SDK1: variants seen among roughly 807,000 people sequenced by gnomAD.
The protein encoded by SDK1 is protein sidekick-1.
Under a neutral mutation model 245.5 loss-of-function variants are expected in SDK1, and 157 were observed. That is an observed-to-expected ratio of 0.64 (90% confidence interval 0.56 to 0.73). The LOEUF (loss-of-function observed/expected upper bound fraction) is 0.73. Among genes scored for constraint, SDK1 ranks in the 30% least tolerant of loss-of-function variants. SDK1 has a pLI of 0.00. For synonymous variants in SDK1, 1,647 were observed against 1,278.5 expected (o/e 1.29, Z -6.15); for missense variants, 3,583 against 3,002.3 (o/e 1.19, Z -4.52).
At chr7:4,230,130 G>A (rs562271544) in intron 40 of SDK1, among the ~76,000 whole-genome samples, 7 of 136,676 alleles carry the variant, frequency 5.1e-5, no homozygotes, top group African/African-American at 1.6e-4. Flanking sequence ...GTGGCTGGTG[G>A]GTGAGTGGAT....
rs994560604 is a variant in SDK1, at chr7:3,619,220, A to G, written c.439A>G (p.Thr147Ala). 2 of 1,611,332 alleles carry G rather than the reference A, an allele frequency of 1.2e-6. No individual in the cohort carries two copies. Among genetic ancestry groups the G allele is most frequent in the Non-Finnish European group, 1.7e-6 (2 of 1,177,672 alleles). ...GATGCGCGATGACAGTGAGCTCACC[A>G]CCTACAGCAGCGAATATAAGTAATT... Reference protein sequence around the residue: ...KWMRDDSELTTYSSEYKYIIP... With the variant: ...KWMRDDSELTAYSSEYKYIIP... The change falls in exon 2 of 45, where the codon ACC (threonine) becomes GCC (alanine). Residue 147 changes from threonine (T) to alanine (A), a missense_variant. Transcript: ENST00000404826.
chr7:3,455,697 T>G (rs976597529), intron 1 of SDK1, among the ~76,000 whole-genome samples: 5 of 152,296 alleles, frequency 3.3e-5, no homozygotes, highest in Non-Finnish European at 5.9e-5. Flanking sequence ...TGGTAGGCCT[T>G]AGTATTGGAT....
chr7:3,513,926 C>G (rs1187586038), intron 1 of SDK1, among the ~76,000 whole-genome samples: 1 of 152,150 alleles, frequency 6.6e-6, no homozygotes, highest in Non-Finnish European at 1.5e-5. Context: ...GGATAGTGGC[C>G]TCTAGCTGCA....
At chr7:4,242,004 C>T (rs1489938851) in intron 43 of SDK1, 91 bp downstream of exon 43, 2 of 1,478,320 alleles carry the variant, frequency 1.4e-6, no homozygotes, top group Non-Finnish European at 1.8e-6. Context: ...CTCCTGCATC[C>T]CGCCCTGTGG....
At chr7:4,044,204 C>T (rs769254603) in intron 17 of SDK1, among the ~76,000 whole-genome samples, 2 of 152,224 alleles carry the variant, frequency 1.3e-5, no homozygotes, top group Non-Finnish European at 2.9e-5. Flanking sequence ...GCTAGGAAAG[C>T]GGAAAGGCTG....
intron 1 of SDK1, among the ~76,000 whole-genome samples, chr7:3,464,110 G>A (rs1340688361): frequency 6.6e-6 from 1 of 152,180 alleles, no homozygotes; most frequent in East Asian, 1.9e-4. Context: ...AAAATACGCA[G>A]TTATTTCTGA....
intron 1 of SDK1, among the ~76,000 whole-genome samples, chr7:3,568,908 T>C (rs147531942): frequency 6.6e-6 from 1 of 152,356 alleles, no homozygotes; most frequent in East Asian, 1.9e-4. Context: ...AAAGGAATTA[T>C]AGGCAATTTG....
intron 1 of SDK1, among the ~76,000 whole-genome samples, chr7:3,435,367 G>A (rs1451650070): frequency 1.2e-5 from 1 of 83,164 alleles, no homozygotes; most frequent in African/African-American, 5.1e-5. Context: ...GTCTTGCTTT[G>A]TTGCCCAGGC....
intron 35 of SDK1, among the ~76,000 whole-genome samples, chr7:4,191,642 C>G (rs1783213931): frequency 6.6e-6 from 1 of 152,376 alleles, no homozygotes; most frequent in South Asian, 2.1e-4. Context: ...GCCAGCCCTT[C>G]AGCTGCTCCG....
intron 1 of SDK1, among the ~76,000 whole-genome samples, chr7:3,364,145 A>G (rs1434262918): frequency 6.6e-6 from 1 of 151,996 alleles, no homozygotes; most frequent in Admixed American, 6.5e-5. Flanking sequence ...ATCGTTTTTC[A>G]CTGTTGAATT....
At chr7:3,373,118 C>T (rs1781268153) in intron 1 of SDK1, among the ~76,000 whole-genome samples, 1 of 152,152 alleles carries the variant, frequency 6.6e-6, no homozygotes, top group Non-Finnish European at 1.5e-5. Flanking sequence ...TCCTTATAAA[C>T]TGATAAGCTG....
chr7:4,190,383 G>C (rs1395604882), intron 35 of SDK1, among the ~76,000 whole-genome samples: 1 of 152,212 alleles, frequency 6.6e-6, no homozygotes, highest in Non-Finnish European at 1.5e-5. Flanking sequence ...TACTGTGCTG[G>C]TCACAGATGG....
intron 1 of SDK1, among the ~76,000 whole-genome samples, chr7:3,421,625 C>T (rs1281994532): frequency 2.0e-5 from 3 of 152,282 alleles, no homozygotes; most frequent in African/African-American, 7.2e-5. Flanking sequence ...GGAGAATGGA[C>T]ATTTTCTACA....
At chr7:3,763,539 C>T (rs2114992159) in intron 4 of SDK1, among the ~76,000 whole-genome samples, 1 of 152,296 alleles carries the variant, frequency 6.6e-6, no homozygotes, top group South Asian at 2.1e-4. Flanking sequence ...GTACACGTTG[C>T]CCCTAAACAC....
chr7:4,093,125 G>A (rs915587589), intron 22 of SDK1, among the ~76,000 whole-genome samples: 1 of 151,654 alleles, frequency 6.6e-6, no homozygotes, highest in Non-Finnish European at 1.5e-5. Flanking sequence ...AAAAAAAAAA[G>A]CAGCAGCTTT....
Position 3,975,512 on chromosome 7 carries a change from G to A in SDK1, c.1994+967G>A, listed in dbSNP as rs555515068. 7.2e-5 allele frequency among the ~76,000 whole-genome samples: 11 copies of A among 152,296 alleles called. No individual in the cohort carries two copies. In the East Asian group the frequency reaches 1.5e-3, roughly 21 times the overall value. On this transcript the variant is annotated intron_variant, in intron 13 of 44. Transcript: ENST00000404826. The stretch of plus-strand genomic sequence containing the variant: ...TTTGAACACTCCGAGTATAGGAGCC[G>A]TGACTCATTGATCCCTGAATCCCAA...
At chr7:3,336,601 C>T (rs1780206606) in intron 1 of SDK1, among the ~76,000 whole-genome samples, 1 of 152,116 alleles carries the variant, frequency 6.6e-6, no homozygotes, top group Non-Finnish European at 1.5e-5. Flanking sequence ...TGGCACTCCC[C>T]ACCTCCCCGC....
At chr7:4,077,312 C>T in intron 21 of SDK1, 123 bp downstream of exon 21, 1 of 892,992 alleles carries the variant, frequency 1.1e-6, no homozygotes, top group Non-Finnish European at 1.7e-6. Context: ...TAGTGGCCTC[C>T]TGCCAAGATG....
intron 1 of SDK1, among the ~76,000 whole-genome samples, chr7:3,414,434 G>C (rs73300367): frequency 0.01 from 1,596 of 152,172 alleles, 35 homozygotes; most frequent in African/African-American, 0.036. Flanking sequence ...AGCGAAGGTG[G>C]GTAGTGTCCG....
Sources: gnomAD v4.1 joint callset for allele counts (sites outside exome capture counted in the v4.1 genomes callset) on GRCh38, gnomAD v4.1.1 for gene constraint, MANE v1.5 for transcripts, NCBI Gene and HGNC (gene_info 2026-07-23, HGNC 2026-07-21) for gene names.